Variants in CSMD1 observed in about 807,000 individuals in gnomAD.
CSMD1 encodes CUB and Sushi multiple domains 1, also known as CUB and sushi domain-containing protein 1.
A neutral mutation model predicts 417.5 loss-of-function variants in CSMD1; 213 were observed. That is an observed-to-expected ratio of 0.51 (90% CI 0.46 to 0.57). CSMD1 has a LOEUF of 0.57. CSMD1 is among the 20% of genes least tolerant of loss of function. CSMD1 has a pLI of 0.00. For missense variants in CSMD1, 6,923 were observed against 4,529.7 expected (o/e 1.53, Z -15.17); for synonymous variants, 2,862 against 1,736.8 (o/e 1.65, Z -16.11).
intron 2 of CSMD1, among the ~76,000 whole-genome samples, chr8:4,506,636 G>C (rs1348114509): frequency 1.3e-5 from 2 of 152,098 alleles, no homozygotes; most frequent in Admixed American, 6.6e-5. Context: ...AAACAACCTT[G>C]TTTTACATAA....
At chr8:4,335,333 TG>T (rs889987567) in intron 3 of CSMD1, among the ~76,000 whole-genome samples, 4 of 152,136 alleles carry the variant, frequency 2.6e-5, no homozygotes, top group African/African-American at 9.7e-5. Flanking sequence ...CGGACTTTTG[TG>T]GGGAAAGGCA....
At chr8:3,914,259 G>C (rs1215723603) in intron 5 of CSMD1, among the ~76,000 whole-genome samples, 1 of 152,134 alleles carries the variant, frequency 6.6e-6, no homozygotes, top group Non-Finnish European at 1.5e-5. Context: ...GCTAGTTAGA[G>C]AGGTTGCATA....
At chr8:2,975,093 A>G (rs148595342) in intron 55 of CSMD1, among the ~76,000 whole-genome samples, 2 of 152,358 alleles carry the variant, frequency 1.3e-5, no homozygotes, top group East Asian at 3.8e-4. Context: ...TCACATGTCT[A>G]AGAAAACCAT....
intron 2 of CSMD1, among the ~76,000 whole-genome samples, chr8:4,570,014 C>G (rs577639903): frequency 7.5e-4 from 114 of 152,248 alleles, no homozygotes; most frequent in African/African-American, 2.6e-3. Flanking sequence ...GCTGAAGTTC[C>G]TTATCAGCTT....
chr8:3,265,150 T>C (rs531462820), intron 26 of CSMD1, among the ~76,000 whole-genome samples: 9 of 152,270 alleles, frequency 5.9e-5, no homozygotes, highest in Non-Finnish European at 1.3e-4. Flanking sequence ...ATTAAAAATA[T>C]TTAAGGAATT....
intron 20 of CSMD1, among the ~76,000 whole-genome samples, chr8:3,362,203 A>G (rs1585053393): frequency 6.6e-6 from 1 of 152,308 alleles, no homozygotes; most frequent in South Asian, 2.1e-4. Flanking sequence ...CTTCACAGTC[A>G]CCCAGCCACC....
At chr8:3,046,295 G>C (rs936883527) in intron 50 of CSMD1, among the ~76,000 whole-genome samples, 2 of 152,148 alleles carry the variant, frequency 1.3e-5, no homozygotes, top group South Asian at 4.1e-4. Flanking sequence ...TTCAGAGGCA[G>C]GGCTTGGTGA....
At chr8:3,330,090 C>T (rs1003648831) in intron 23 of CSMD1, among the ~76,000 whole-genome samples, 43 of 152,226 alleles carry the variant, frequency 2.8e-4, no homozygotes, top group African/African-American at 8.2e-4. Context: ...TGCAGCTCCT[C>T]CCAGGTCAAA....
chr8:4,363,896 G>C (rs574764031), intron 3 of CSMD1, among the ~76,000 whole-genome samples: 5 of 152,260 alleles, frequency 3.3e-5, no homozygotes, highest in East Asian at 1.9e-4. Flanking sequence ...GGTTACCAGA[G>C]TCTAGAAAGG....
intron 3 of CSMD1, among the ~76,000 whole-genome samples, chr8:4,296,702 T>TG (rs1204810917): frequency 6.7e-5 from 10 of 149,326 alleles, no homozygotes; most frequent in South Asian, 4.3e-4. Context: ...AAGGGTTTTT[T>TG]TTTTTTTTTT....
Position 3,134,043 on chromosome 8 carries a change from T to A in CSMD1, c.6241+8422A>T, listed in dbSNP as rs140642764. Among the ~76,000 whole-genome samples, 412 of 152,122 alleles carry A rather than the reference T, an allele frequency of 2.7e-3. 2 individuals carry two copies. Among genetic ancestry groups the A allele is most frequent in the African/African-American group, 9.6e-3 (399 of 41,506 alleles). On this transcript the variant is annotated intron_variant, in intron 41 of 69. Coordinates refer to ENST00000635120, the MANE Select transcript of CSMD1 (RefSeq NM_033225.6). ...AACTACAAAAATTAGCCAAGCATGG[T>A]GGCAGGCACCTGCAGTCCCAGCTAC...
At chr8:4,797,513 CA>C (rs1289155053) in intron 1 of CSMD1, among the ~76,000 whole-genome samples, 2 of 152,178 alleles carry the variant, frequency 1.3e-5, no homozygotes, top group Admixed American at 6.5e-5. Flanking sequence ...ACTTTTAATG[CA>C]AAAACCACAA....
chr8:4,754,009 A>G (rs1016958775), intron 1 of CSMD1, among the ~76,000 whole-genome samples: 2 of 152,344 alleles, frequency 1.3e-5, no homozygotes, highest in African/African-American at 2.4e-5. Context: ...CTGCCCAGCT[A>G]AAGATTCGCT....
At chr8:4,130,452 T>G (rs1803030497) in intron 3 of CSMD1, among the ~76,000 whole-genome samples, 2 of 152,196 alleles carry the variant, frequency 1.3e-5, no homozygotes. Flanking sequence ...AAATTTCTGG[T>G]TCTGCCAATT....
intron 6 of CSMD1, among the ~76,000 whole-genome samples, chr8:3,746,310 A>G (rs1451351825): frequency 6.6e-6 from 1 of 152,260 alleles, no homozygotes; most frequent in African/African-American, 2.4e-5. Context: ...TTCTTGAAGC[A>G]TAAGAACTTA....
chr8:3,155,635 G>A (rs903355167), intron 39 of CSMD1, among the ~76,000 whole-genome samples: 1 of 151,432 alleles, frequency 6.6e-6, no homozygotes, highest in African/African-American at 2.4e-5. Flanking sequence ...CCAAAGTGCT[G>A]GGATTACAGG....
At chr8:3,540,397 A>G (rs1223615535) in intron 10 of CSMD1, among the ~76,000 whole-genome samples, 2 of 152,206 alleles carry the variant, frequency 1.3e-5, no homozygotes. Flanking sequence ...TGGATTCAAG[A>G]CTTAAATGTA....
At chr8:3,274,459 CTGAGT>C (rs1173767192) in intron 26 of CSMD1, among the ~76,000 whole-genome samples, 3 of 152,078 alleles carry the variant, frequency 2.0e-5, no homozygotes, top group Non-Finnish European at 2.9e-5. Context: ...TGGTGCAGAG[CTGAGT>C]TAAGTTCCTG....
At chr8:3,689,115 C>G (rs1041580216) in intron 7 of CSMD1, among the ~76,000 whole-genome samples, 1 of 152,128 alleles carries the variant, frequency 6.6e-6, no homozygotes, top group Non-Finnish European at 1.5e-5. Flanking sequence ...TAACAGCAAC[C>G]AAACAACTCC....
Sources: gnomAD v4.1 joint callset for allele counts (sites outside exome capture counted in the v4.1 genomes callset) on GRCh38, gnomAD v4.1.1 for gene constraint, MANE v1.5 for transcripts, NCBI Gene and HGNC (gene_info 2026-07-23, HGNC 2026-07-21) for gene names.